Variants in MAPK8IP3 observed in about 807,000 individuals in gnomAD.
MAPK8IP3 encodes mitogen-activated protein kinase 8 interacting protein 3.
Under a neutral mutation model 157.8 loss-of-function variants are expected in MAPK8IP3, and 49 were observed. The ratio of observed to expected loss-of-function variants is 0.31; its 90% CI spans 0.25 to 0.39. The LOEUF is 0.39. Ranked by LOEUF, MAPK8IP3 falls within the 10% of genes least tolerant of loss-of-function variation. MAPK8IP3 has a pLI of 1.00. For synonymous variants in MAPK8IP3, 897 were observed against 777.7 expected, an observed-to-expected ratio of 1.15 and a Z score of -2.55; for missense variants, 1,478 against 1,889.4, an observed-to-expected ratio of 0.78 and a Z score of 4.04.
chr16:1,760,790 C>T (rs1010372390), intron 12 of MAPK8IP3, among the ~76,000 whole-genome samples: 1 of 152,222 alleles, frequency 6.6e-6, no homozygotes, highest in Admixed American at 6.5e-5. Flanking sequence ...CTCCTCCAGC[C>T]CTTTGATCAG....
intron 6 of MAPK8IP3, 55 bp from the exon 7 acceptor site, chr16:1,748,189 G>C: frequency 7.3e-7 from 1 of 1,374,184 alleles, no homozygotes; most frequent in South Asian, 1.2e-5. Context: ...CCGTGAGCAG[G>C]GCAGAGGCTG....
At chr16:1,760,976 G>C (rs915936857) in intron 12 of MAPK8IP3, among the ~76,000 whole-genome samples, 1 of 152,204 alleles carries the variant, frequency 6.6e-6, no homozygotes, top group Non-Finnish European at 1.5e-5. Flanking sequence ...CGCATTCCCG[G>C]GCAGCCAGGA....
chr16:1,758,239 C>G, intron 9 of MAPK8IP3, 80 bp downstream of exon 9: 2 of 1,550,862 alleles, frequency 1.3e-6, no homozygotes, highest in Non-Finnish European at 1.8e-6. Context: ...CGAGCTATCC[C>G]GTCACCGTGG....
intron 2 of MAPK8IP3, 94 bp from the exon 3 acceptor site, chr16:1,729,044 G>A: frequency 8.0e-7 from 1 of 1,257,320 alleles, no homozygotes; most frequent in Non-Finnish European, 1.2e-6. Context: ...TCCCAGCCTT[G>A]TCCTGGAACC....
intron 26 of MAPK8IP3, 46 bp downstream of exon 26, chr16:1,767,343 G>A (rs753567702): frequency 6.2e-7 from 1 of 1,608,560 alleles, no homozygotes; most frequent in South Asian, 1.1e-5. Flanking sequence ...GCTCCTGCTG[G>A]CCAGCAGCTC....
intron 24 of MAPK8IP3, 44 bp downstream of exon 24, chr16:1,766,847 G>A (rs763376421): frequency 6.2e-7 from 1 of 1,612,078 alleles, no homozygotes; most frequent in South Asian, 1.1e-5. Context: ...GGGGGAACGG[G>A]GCGGAGGGGG....
chr16:1,766,195 C>T, intron 21 of MAPK8IP3, 25 bp from the exon 22 acceptor site: 2 of 1,603,756 alleles, frequency 1.2e-6, no homozygotes, highest in Non-Finnish European at 1.7e-6. Flanking sequence ...TTCTGCCCAG[C>T]CCAAGCTCAC....
Position 1,761,205 on chromosome 16 carries a change from C to T in MAPK8IP3, c.1458-19C>T, listed in dbSNP as rs201401738. ...CCTGGGAGGCCCTCACCCTCCCTGC[C>T]TCCTTCCCCTTCCCACAGAGTGAAG... is the stretch of plus-strand genomic sequence containing the variant. On this transcript the variant is annotated intron_variant, in intron 12 of 31. Transcript: ENST00000610761. 1.1e-4 allele frequency: 172 copies of T among 1,610,284 alleles called. 2 individuals are homozygous for T. The Middle Eastern group carries it at 2.0e-3, about 19-fold the overall frequency.
At chr16:1,764,517 C>T in intron 19 of MAPK8IP3, 58 bp downstream of exon 19, 1 of 1,570,640 alleles carries the variant, frequency 6.4e-7, no homozygotes, top group Non-Finnish European at 8.6e-7. Flanking sequence ...GACAGCTCAG[C>T]TGCAGAGCAT....
chr16:1,762,695 C>T lies in MAPK8IP3; in HGVS notation c.1691C>T (p.Ser564Phe), dbSNP rs907562349. 6.4e-7 allele frequency: 1 copy of T among 1,564,862 alleles called. No individual in the cohort carries two copies. The highest frequency in any genetic ancestry group is 1.4e-5 in the African/African-American group (1 of 73,804). The stretch of plus-strand genomic sequence containing the variant: ...TGCAGAGCGTCCCGAGAGCACCCAT[C>T]CGTCCAGGAGAAGAAGAAGTCGACC... Reference protein sequence around the residue: ...EMIRASREHPSVQEKKKSTIW... With the variant: ...EMIRASREHPFVQEKKKSTIW... Residue 564 changes from serine (S) to phenylalanine (F), a missense_variant, in exon 15 of 32, where the codon TCC becomes TTC. Physicochemically the swap from Ser to Phe is radical, Grantham distance 155. Around this residue, in one of 11 missense-constraint regions of MAPK8IP3, gnomAD observed 669 missense variants for 759.8 expected, o/e 0.88. Coordinates refer to ENST00000610761, the MANE Select transcript of MAPK8IP3 (RefSeq NM_001318852.2).
chr16:1,747,172 G>T lies in MAPK8IP3; in HGVS notation c.891G>T (p.Gly297=), dbSNP rs199814133. 2 of 1,613,988 alleles carry T rather than the reference G, an allele frequency of 1.2e-6. No individual in the cohort carries two copies. Among genetic ancestry groups the T allele is most frequent in the Admixed American group, 1.7e-5 (1 of 60,030 alleles). Residue 297 remains glycine (G), a synonymous_variant, in exon 6 of 32, where the codon GGG becomes GGT. Coordinates refer to ENST00000610761, the MANE Select transcript of MAPK8IP3 (RefSeq NM_001318852.2). The part of the protein sequence containing the change: ...TPLNESLQPL[G]DYGVGSKNSK... Reference sequence around the variant, plus strand: ...TCAACGAGAGCCTGCAGCCCCTGGGGGACTATGGCGTGGGCTCCAAGAACA... The same window carrying T: ...TCAACGAGAGCCTGCAGCCCCTGGGTGACTATGGCGTGGGCTCCAAGAACA...
intron 8 of MAPK8IP3, among the ~76,000 whole-genome samples, chr16:1,757,879 G>C (rs2041704970): frequency 6.6e-6 from 1 of 152,228 alleles, no homozygotes; most frequent in South Asian, 2.1e-4. Flanking sequence ...GATGGGAGCA[G>C]AGGGCAGCAG....
In MAPK8IP3 at chr16:1,767,741, G is replaced by A. The variant is rs781321622; in HGVS notation, c.3409+6G>A. The A allele has an allele frequency of 1.2e-6, 2 of 1,612,356 alleles. No individual in the cohort carries two copies. Among genetic ancestry groups the A allele is most frequent in the African/African-American group, 2.7e-5 (2 of 74,914 alleles). ...CTACGTCAGCAAGATGCTAGGTGAG[G>A]GGCCACGCCAGATGGGGTGGTGGGG... On this transcript the variant is annotated splice_donor_region_variant and intron_variant, in intron 27 of 31. Coordinates refer to ENST00000610761, the MANE Select transcript of MAPK8IP3 (RefSeq NM_001318852.2).
intron 10 of MAPK8IP3, 79 bp downstream of exon 10, chr16:1,759,074 G>C (rs572894141): frequency 1.3e-6 from 2 of 1,583,600 alleles, no homozygotes; most frequent in South Asian, 2.2e-5. Flanking sequence ...CGTTTGCTTT[G>C]TTCTGCATGA....
At position 1,765,196 on chromosome 16, in the gene MAPK8IP3, G is replaced by C; in HGVS notation, c.2446+18G>C. The C allele has an allele frequency of 6.3e-7, 1 of 1,580,346 alleles. No individual in the cohort carries two copies. The highest frequency in any genetic ancestry group is 8.7e-7 in the Non-Finnish European group (1 of 1,155,532). On this transcript the variant is annotated intron_variant, in intron 20 of 31. Coordinates refer to ENST00000610761, the MANE Select transcript of MAPK8IP3 (RefSeq NM_001318852.2). ...CATCCCCGGTGAGCAGCTGGAGTGG[G>C]CGTTTCCACTCGGGCGCCACTCCCT...
intron 13 of MAPK8IP3, 70 bp downstream of exon 13, chr16:1,761,375 G>T: frequency 7.9e-7 from 1 of 1,264,276 alleles, no homozygotes; most frequent in Admixed American, 1.8e-5. Flanking sequence ...GGCGGCCACC[G>T]TTCACCATTC....
chr16:1,741,678 C>G lies in MAPK8IP3; in HGVS notation c.603-1654C>G, dbSNP rs1249050505. 6.6e-6 allele frequency among the ~76,000 whole-genome samples: 1 copy of G among 152,112 alleles called. No individual in the cohort carries two copies. The highest frequency in any genetic ancestry group is 1.9e-4 in the East Asian group (1 of 5,180). On this transcript the variant is annotated intron_variant, in intron 4 of 31. Coordinates refer to ENST00000610761, the MANE Select transcript of MAPK8IP3 (RefSeq NM_001318852.2). The surrounding 1 kb of genome is among the most constrained non-coding windows in gnomAD (Gnocchi z 6.9). Reference sequence around the variant, plus strand: ...AGGGCGGTTGAAGCCCAGCCTCCCACTGGGGTCATGCTCCCTGGGCCTGGT... The same window carrying G: ...AGGGCGGTTGAAGCCCAGCCTCCCAGTGGGGTCATGCTCCCTGGGCCTGGT...
At chr16:1,727,499 G>A (rs1297719276) in intron 2 of MAPK8IP3, among the ~76,000 whole-genome samples, 2 of 152,212 alleles carry the variant, frequency 1.3e-5, no homozygotes, top group South Asian at 2.1e-4. Context: ...TGCAGCGTCT[G>A]TAAGTTATGC....
rs1442738939 is a variant in MAPK8IP3, at chr16:1,751,391, G to A, written c.1216+2671G>A. Among the ~76,000 whole-genome samples, 1 of 152,082 alleles carries A rather than the reference G, an allele frequency of 6.6e-6. No individual in the cohort carries two copies. Among genetic ancestry groups the A allele is most frequent in the African/African-American group, 2.4e-5 (1 of 41,394 alleles). ...GAAGAATTGTTTGAACCCAGGAAGC[G>A]GAGATTGCAGTGAGCTGAGATCGCA... On this transcript the variant is annotated intron_variant, in intron 8 of 31. Transcript: ENST00000610761. This position sits in a 1 kb window ranked among gnomAD's most constrained non-coding sequence, Gnocchi z 5.0.
Sources: gnomAD v4.1 joint callset for allele counts (sites outside exome capture counted in the v4.1 genomes callset) on GRCh38, gnomAD v4.1.1 for gene constraint, gnomAD v4.1.1 regional missense constraint, Gnocchi (gnomAD v3.1) non-coding constraint, MANE v1.5 for transcripts, NCBI Gene and HGNC (gene_info 2026-07-23, HGNC 2026-07-21) for gene names.